The following PCDHA3 variants were observed in gnomAD, a reference collection of about 807,000 sequenced individuals.
PCDHA3 encodes protocadherin alpha 3, also known as protocadherin alpha-3.
Under a neutral mutation model 62.2 loss-of-function variants are expected in PCDHA3, and 41 were observed. That is an observed-to-expected ratio of 0.66 (90% CI 0.51 to 0.86). PCDHA3 has a LOEUF of 0.86. PCDHA3 is among the 40% of genes least tolerant of loss of function. The pLI, the probability that PCDHA3 is intolerant of heterozygous loss-of-function variation, is 0.00. For synonymous variants in PCDHA3, 640 were observed against 555.4 expected (o/e 1.15, Z -2.14); for missense variants, 1,304 against 1,241.2 (o/e 1.05, Z -0.76).
At chr5:140,804,158 T>G (rs1283222315) in intron 1 of PCDHA3, 1 of 152,482 alleles carries the variant, frequency 6.6e-6, no homozygotes, top group Non-Finnish European at 1.5e-5. Context: ...TCAATCCTTA[T>G]TTTTTACTTG....
chr5:140,930,092 A>G (rs1554207604), intron 1 of PCDHA3: 1 of 152,204 alleles, frequency 6.6e-6, no homozygotes, highest in East Asian at 1.9e-4. Context: ...ACATCTATTT[A>G]TACTGATAGG....
At chr5:140,969,267 G>A in intron 1 of PCDHA3, 5 of 1,614,208 alleles carry the variant, frequency 3.1e-6, no homozygotes, top group South Asian at 2.2e-5. Flanking sequence ...AATCTCACAG[G>A]CCAAAGTGGT....
chr5:140,801,624 TCCG>T lies in PCDHA3; in HGVS notation c.428_430del (p.Ser143_Glu144delinsTer), dbSNP rs782603795. ...AATGGCTGTAAAGAATCTGTTTATT[TCCG>T]AATCCCGACAGCCTGGCTCTCGGTT... On this transcript the variant is annotated stop_gained and inframe_deletion, in exon 1 of 4. Transcript: ENST00000522353. LOFTEE classifies it high-confidence loss of function. 6.2e-7 allele frequency: 1 copy of T among 1,613,968 alleles called. No homozygotes were observed. The highest frequency in any genetic ancestry group is 8.5e-7 in the Non-Finnish European group (1 of 1,179,994).
chr5:140,880,327 T>C (rs2058305796), intron 1 of PCDHA3, among the ~76,000 whole-genome samples: 1 of 152,118 alleles, frequency 6.6e-6, no homozygotes, highest in African/African-American at 2.4e-5. Context: ...AATAAGATAC[T>C]AAAAATAAGA....
At chr5:140,838,280 A>T (rs1252322835) in intron 1 of PCDHA3, among the ~76,000 whole-genome samples, 4 of 139,572 alleles carry the variant, frequency 2.9e-5, no homozygotes, top group Non-Finnish European at 4.6e-5. Flanking sequence ...AGCCATGCTA[A>T]TTTTTTTTTT....
At chr5:140,934,636 G>A (rs782329021) in intron 1 of PCDHA3, among the ~76,000 whole-genome samples, 17 of 151,974 alleles carry the variant, frequency 1.1e-4, no homozygotes, top group Non-Finnish European at 1.9e-4. Flanking sequence ...CACAGGAAAG[G>A]CAGGATAAAT....
chr5:140,966,017 G>A (rs946123044), intron 1 of PCDHA3, among the ~76,000 whole-genome samples: 1 of 152,144 alleles, frequency 6.6e-6, no homozygotes, highest in Non-Finnish European at 1.5e-5. Flanking sequence ...GGGAAGATGT[G>A]GGAGTCAGGT....
intron 1 of PCDHA3, chr5:140,842,931 C>A: frequency 1.3e-6 from 2 of 1,594,502 alleles, no homozygotes; most frequent in Non-Finnish European, 1.7e-6. Flanking sequence ...CAGGTGAGCG[C>A]GCGCGACGCG....
At chr5:140,883,003 C>A in intron 1 of PCDHA3, 5 of 1,614,050 alleles carry the variant, frequency 3.1e-6, no homozygotes, top group Non-Finnish European at 4.2e-6. Flanking sequence ...TTTACCAATC[C>A]GTTTATAAAG....
chr5:140,840,489 C>G (rs2150307286), intron 1 of PCDHA3, among the ~76,000 whole-genome samples: 3 of 151,924 alleles, frequency 2.0e-5, no homozygotes, highest in Non-Finnish European at 4.4e-5. Context: ...AGGCATAATT[C>G]TGGTAAATAC....
chr5:140,821,818 C>T (rs919324883), intron 1 of PCDHA3: 1 of 1,613,974 alleles, frequency 6.2e-7, no homozygotes, highest in African/African-American at 1.3e-5. Flanking sequence ...CCGGCTCCTG[C>T]TGCTCTGGCT....
In PCDHA3 at chr5:140,835,510, A is replaced by C. The variant is rs145294768; in HGVS notation, c.2394+31919A>C. On this transcript the variant is annotated intron_variant, in intron 1 of 3. Transcript: ENST00000522353. Reference sequence around the variant, plus strand: ...GTCATCACATTGATTAGCGTGTTTGACCGAGATTTTGGAGTCAACGGACAG... The same window carrying C: ...GTCATCACATTGATTAGCGTGTTTGCCCGAGATTTTGGAGTCAACGGACAG... The C allele has an allele frequency of 3.4e-5, 55 of 1,613,788 alleles. 1 individual carries two copies. The highest frequency in any genetic ancestry group is 4.6e-5 in the Non-Finnish European group (54 of 1,179,878).
chr5:140,891,399 C>T (rs979878059), intron 1 of PCDHA3, among the ~76,000 whole-genome samples: 12 of 151,644 alleles, frequency 7.9e-5, no homozygotes, highest in African/African-American at 2.4e-4. Context: ...TTTTATCCCT[C>T]GCCACCCCCC....
chr5:140,831,512 C>T (rs1771575949), intron 1 of PCDHA3, among the ~76,000 whole-genome samples: 1 of 137,596 alleles, frequency 7.3e-6, no homozygotes, highest in African/African-American at 2.9e-5. Flanking sequence ...CACCACCATG[C>T]CCCCCACCTT....
chr5:140,835,044 G>A lies in PCDHA3; in HGVS notation c.2394+31453G>A, dbSNP rs1554134705. ...CACGGCCACCGATGGAGGCAAACCC[G>A]AGCTGACTGGCACCGTTCAATTACT... On this transcript the variant is annotated intron_variant, in intron 1 of 3. Transcript: ENST00000522353. The A allele has an allele frequency of 1.7e-5, 21 of 1,263,874 alleles. 1 individual carries two copies. The highest frequency in any genetic ancestry group is 1.9e-5 in the Non-Finnish European group (18 of 927,706). 78.3% of individuals were successfully genotyped at this position (1,263,874 alleles called of 1,614,324 possible). A position where few individuals can be genotyped will look rare whatever the true frequency, so the allele number is the denominator to read the frequency against.
chr5:140,927,105 CAGCGG>C, intron 1 of PCDHA3: 1 of 1,613,778 alleles, frequency 6.2e-7, no homozygotes, highest in Non-Finnish European at 8.5e-7. Flanking sequence ...TGGATCTACC[CAGCGG>C]CAATTTGGTG....
chr5:140,870,785 C>T, intron 1 of PCDHA3: 1 of 1,613,662 alleles, frequency 6.2e-7, no homozygotes, highest in East Asian at 2.2e-5. Context: ...AACGACAACG[C>T]GCCGGCACTG....
intron 1 of PCDHA3, chr5:140,815,961 G>C (rs1765822875): frequency 6.6e-6 from 1 of 152,150 alleles, no homozygotes; most frequent in Non-Finnish European, 1.5e-5. Context: ...AGTTAGGGGT[G>C]TTCTTTTGTA....
chr5:140,817,912 G>T (rs1554127355), intron 1 of PCDHA3, among the ~76,000 whole-genome samples: 2 of 152,064 alleles, frequency 1.3e-5, no homozygotes, highest in Non-Finnish European at 1.5e-5. Flanking sequence ...GACATTCCAT[G>T]GTCTTCTTTT....
Sources: gnomAD v4.1 joint callset for allele counts (sites outside exome capture counted in the v4.1 genomes callset) on GRCh38, gnomAD v4.1.1 for gene constraint, MANE v1.5 for transcripts, NCBI Gene and HGNC (gene_info 2026-07-23, HGNC 2026-07-21) for gene names.